The following STARD13 variants were observed in gnomAD, a reference collection of about 807,000 sequenced individuals.
The protein encoded by STARD13 is StAR related lipid transfer domain containing 13.
In STARD13, 62 loss-of-function variants were observed where a neutral mutation model predicts 106.4. The ratio of observed to expected loss-of-function variants is 0.58; its 90% CI spans 0.48 to 0.72. STARD13 has a LOEUF of 0.72. STARD13 is among the 30% of genes least tolerant of loss of function. The pLI, the probability that STARD13 is intolerant of heterozygous loss-of-function variation, is 0.00. For synonymous variants in STARD13, 565 were observed against 553.0 expected (o/e 1.02, Z -0.31); for missense variants, 1,387 against 1,424.0 (o/e 0.97, Z 0.42).
the STARD13 span, among the ~76,000 whole-genome samples, chr13:33,602,144 T>C: frequency 6.7e-6 from 1 of 148,310 alleles, no homozygotes; most frequent in Non-Finnish European, 1.5e-5. Context: ...CAGGCTGGAG[T>C]GCAGTGACAA....
At chr13:33,176,261 A>G (rs566331383) in intron 1 of STARD13, among the ~76,000 whole-genome samples, 2 of 152,286 alleles carry the variant, frequency 1.3e-5, no homozygotes, top group Admixed American at 6.5e-5. Flanking sequence ...TATTGTATGT[A>G]TTTTCTTAAA....
At chr13:33,269,687 T>G (rs1248479346) in intron 1 of STARD13, among the ~76,000 whole-genome samples, 1 of 152,214 alleles carries the variant, frequency 6.6e-6, no homozygotes, top group African/African-American at 2.4e-5. Context: ...AAAGGTTTTA[T>G]TCTCCTCCTG....
intron 1 of STARD13, among the ~76,000 whole-genome samples, chr13:33,292,468 G>T (rs1018734428): frequency 6.6e-6 from 1 of 151,740 alleles, no homozygotes; most frequent in Non-Finnish European, 1.5e-5. Flanking sequence ...AGGCATGGTT[G>T]TGAGGGCCTG....
chr13:33,474,346 A>C, the STARD13 span, among the ~76,000 whole-genome samples: 1 of 152,178 alleles, frequency 6.6e-6, no homozygotes, highest in African/African-American at 2.4e-5. Context: ...CCTTCATTGA[A>C]TTACGTATTG....
At chr13:33,420,659 C>T in the STARD13 span, among the ~76,000 whole-genome samples, 3 of 152,338 alleles carry the variant, frequency 2.0e-5, no homozygotes, top group African/African-American at 7.2e-5. Flanking sequence ...ACATTCTTCT[C>T]AGCACCACAT....
At chr13:33,160,432 G>T (rs888558360) in intron 3 of STARD13, among the ~76,000 whole-genome samples, 1 of 152,074 alleles carries the variant, frequency 6.6e-6, no homozygotes, top group Non-Finnish European at 1.5e-5. Flanking sequence ...ATAAAAATAG[G>T]TAAAACTGGA....
At chr13:33,263,688 A>C (rs1417001268) in intron 1 of STARD13, among the ~76,000 whole-genome samples, 1 of 152,176 alleles carries the variant, frequency 6.6e-6, no homozygotes, top group Non-Finnish European at 1.5e-5. Context: ...GCATACATGG[A>C]ATGTCACCCG....
At chr13:33,198,541 C>T (rs1241530116) in intron 1 of STARD13, among the ~76,000 whole-genome samples, 6 of 152,066 alleles carry the variant, frequency 3.9e-5, no homozygotes, top group Non-Finnish European at 8.8e-5. Flanking sequence ...AGAAATTAAC[C>T]CTTCTCCCTC....
At chr13:33,163,658 C>CATATATATAACATATATATAAAACAT (rs1882953118) in intron 3 of STARD13, among the ~76,000 whole-genome samples, 3 of 71,624 alleles carry the variant, frequency 4.2e-5, no homozygotes, top group Non-Finnish European at 9.2e-5. Flanking sequence ...ATATATAAAA[C>CATATATATAACATATATATAAAACAT]ATATATATAT....
the STARD13 span, among the ~76,000 whole-genome samples, chr13:33,408,853 CT>C: frequency 3.8e-3 from 583 of 152,204 alleles, 3 homozygotes; most frequent in Middle Eastern, 0.01. Context: ...GATGTTCCCT[CT>C]GCTTTGAATG....
the STARD13 span, among the ~76,000 whole-genome samples, chr13:33,419,711 G>T: frequency 6.6e-6 from 1 of 152,150 alleles, no homozygotes; most frequent in African/African-American, 2.4e-5. Flanking sequence ...CAGAGAGAAA[G>T]GTCGGGTTAC....
the STARD13 span, among the ~76,000 whole-genome samples, chr13:33,474,100 T>C: frequency 6.6e-6 from 1 of 152,154 alleles, no homozygotes; most frequent in African/African-American, 2.4e-5. Flanking sequence ...CCAGTATTCT[T>C]TGGAATCTGG....
chr13:33,271,724 C>A (rs1210698217), intron 1 of STARD13: 1 of 151,862 alleles, frequency 6.6e-6, no homozygotes. Context: ...GGGCACACGG[C>A]TTTGCTGCTG....
the STARD13 span, among the ~76,000 whole-genome samples, chr13:33,660,956 T>C: frequency 6.6e-6 from 1 of 152,204 alleles, no homozygotes; most frequent in African/African-American, 2.4e-5. Context: ...ACATAGGACA[T>C]ACATGTAAAG....
chr13:33,210,903 C>T (rs1239084492), intron 1 of STARD13, among the ~76,000 whole-genome samples: 1 of 152,144 alleles, frequency 6.6e-6, no homozygotes, highest in Non-Finnish European at 1.5e-5. Flanking sequence ...CCTGTTGTTA[C>T]CATTTCTCCA....
chr13:33,219,053 T>A (rs1450533772), intron 1 of STARD13, among the ~76,000 whole-genome samples: 2 of 152,188 alleles, frequency 1.3e-5, no homozygotes, highest in Non-Finnish European at 2.9e-5. Flanking sequence ...ATAACAATCG[T>A]GTTTACTATA....
At chr13:33,384,617 T>A in the STARD13 span, among the ~76,000 whole-genome samples, 1 of 152,254 alleles carries the variant, frequency 6.6e-6, no homozygotes, top group East Asian at 1.9e-4. Flanking sequence ...ATATACTAAT[T>A]TGAATTGTAG....
the STARD13 span, among the ~76,000 whole-genome samples, chr13:33,627,592 G>C: frequency 6.6e-6 from 1 of 151,346 alleles, no homozygotes; most frequent in Non-Finnish European, 1.5e-5. Context: ...AGCTGAGACC[G>C]TGTCACTGCA....
At chr13:33,368,638 A>T in the STARD13 span, among the ~76,000 whole-genome samples, 13 of 152,148 alleles carry the variant, frequency 8.5e-5, no homozygotes, top group Admixed American at 8.5e-4. Context: ...GGTGCTGGAG[A>T]TAGCAACATA....
Sources: allele counts gnomAD v4.1 joint callset (sites outside exome capture counted in the v4.1 genomes callset), GRCh38; gene constraint gnomAD v4.1.1; transcripts MANE v1.5; gene names NCBI Gene and HGNC (gene_info 2026-07-23, HGNC 2026-07-21).